TRIM4: variants seen among roughly 807,000 people sequenced by gnomAD.
TRIM4 encodes tripartite motif containing 4, also known as E3 ubiquitin-protein ligase TRIM4.
In TRIM4, 29 loss-of-function variants were observed where a neutral mutation model predicts 33.7. That is an observed-to-expected ratio of 0.86 (90% CI 0.64 to 1.17). The LOEUF (loss-of-function observed/expected upper bound fraction) is 1.17. TRIM4 is among the 50% of genes most tolerant of loss of function. The pLI is 0.00. For synonymous variants in TRIM4, 224 were observed against 233.0 expected (o/e 0.96, Z 0.35); for missense variants, 554 against 593.7 (o/e 0.93, Z 0.69).
At chr7:99,899,260 C>G (rs1006019955) in intron 5 of TRIM4, among the ~76,000 whole-genome samples, 6 of 152,206 alleles carry the variant, frequency 3.9e-5, no homozygotes, top group African/African-American at 1.4e-4. Flanking sequence ...GCAGGCAATA[C>G]AGGGAATCGA....
intron 5 of TRIM4, chr7:99,902,056 A>G: frequency 1.3e-6 from 1 of 760,004 alleles, no homozygotes; most frequent in Non-Finnish European, 2.4e-6. Flanking sequence ...TCATAGGCTG[A>G]CCTCATTTGT....
chr7:99,892,760 G>C lies in TRIM4; in HGVS notation c.842-14C>G. 1 of 1,601,568 alleles carries C rather than the reference G, an allele frequency of 6.2e-7. No homozygotes were observed. The highest frequency in any genetic ancestry group is 8.5e-7 in the Non-Finnish European group (1 of 1,174,780). On this transcript the variant is annotated splice_polypyrimidine_tract_variant and intron_variant, in intron 5 of 5. Coordinates refer to ENST00000349062, the MANE Select transcript of TRIM4 (RefSeq NM_033091.3). The stretch of plus-strand genomic sequence containing the variant: ...GGTTTACAGCCACTGTGGAGAAAAT[G>C]AGAGCTAAGTAGTGCAGCAGCTTAT...
chr7:99,919,393 A>C lies in TRIM4; in HGVS notation c.9T>G (p.Ala3=). 1.3e-6 allele frequency: 2 copies of C among 1,562,298 alleles called. No individual in the cohort carries two copies. Among genetic ancestry groups the C allele is most frequent in the Non-Finnish European group, 1.7e-6 (2 of 1,156,464 alleles). The part of the protein sequence containing the change: ME[A]EDIQEELTCP... Reference sequence around the variant, plus strand: ...AGGTCAACTCCTCCTGGATGTCCTCAGCTTCCATGCTGCTTCCCTGCCGCG... The same window carrying C: ...AGGTCAACTCCTCCTGGATGTCCTCCGCTTCCATGCTGCTTCCCTGCCGCG... The change falls in exon 1 of 6, where the codon GCT becomes GCG. Residue 3 remains alanine, a synonymous_variant. Coordinates refer to ENST00000349062, the MANE Select transcript of TRIM4 (RefSeq NM_033091.3).
At chr7:99,896,073 CTA>C (rs906151843) in intron 5 of TRIM4, among the ~76,000 whole-genome samples, 18 of 151,986 alleles carry the variant, frequency 1.2e-4, no homozygotes, top group East Asian at 9.7e-4. Flanking sequence ...TCTATTTGTC[CTA>C]TATGTTTTCT....
intron 1 of TRIM4, among the ~76,000 whole-genome samples, chr7:99,917,207 G>T (rs138817966): frequency 6.6e-6 from 1 of 152,268 alleles, no homozygotes; most frequent in South Asian, 2.1e-4. Context: ...TGTTGTACAC[G>T]CTTAAGTTCC....
At chr7:99,903,782 C>T (rs1472509271) in intron 3 of TRIM4, among the ~76,000 whole-genome samples, 184 bp from the exon 4 acceptor site, 1 of 152,174 alleles carries the variant, frequency 6.6e-6, no homozygotes, top group African/African-American at 2.4e-5. Context: ...TGCACTTATT[C>T]GACAATGCTG....
Position 99,919,099 on chromosome 7 carries a change from G to A in TRIM4, c.303C>T (p.Asp101=), listed in dbSNP as rs1248858964. The change falls in exon 1 of 6, where the codon GAC becomes GAT. Residue 101 remains aspartate (D), a synonymous_variant. Coordinates refer to ENST00000349062, the MANE Select transcript of TRIM4 (RefSeq NM_033091.3). The stretch of plus-strand genomic sequence containing the variant: ...TGCACACCAGGCACACTGGCCGCTG[G>A]TCGTCCTCGCAGAAGAGCCGCAGCG... ...WEPLRLFCED[D]QRPVCLVCRE... 5 of 1,535,538 alleles carry A rather than the reference G, an allele frequency of 3.3e-6. No individual in the cohort carries two copies. The highest frequency in any genetic ancestry group is 4.6e-4 in the Middle Eastern group (2 of 4,318).
At chr7:99,903,340 T>C (rs762827898) in intron 4 of TRIM4, 25 bp from the exon 5 acceptor site, 6 of 1,566,194 alleles carry the variant, frequency 3.8e-6, no homozygotes, top group Non-Finnish European at 8.7e-7. Flanking sequence ...AAGACTGCTC[T>C]TAGGGGACAA....
At chr7:99,895,947 A>AT (rs758969930) in intron 5 of TRIM4, among the ~76,000 whole-genome samples, 2,108 of 143,314 alleles carry the variant, frequency 0.015, 17 homozygotes, top group Non-Finnish European at 0.022. Context: ...ATTGGGTCTT[A>AT]TTTTTTTTTT....
chr7:99,915,091 T>A (rs1420380974), intron 1 of TRIM4, among the ~76,000 whole-genome samples: 1 of 152,204 alleles, frequency 6.6e-6, no homozygotes, highest in Non-Finnish European at 1.5e-5. Context: ...ATTACAGGCG[T>A]GAGCCACTGC....
At chr7:99,895,676 T>C (rs1053316643) in intron 5 of TRIM4, among the ~76,000 whole-genome samples, 3 of 152,268 alleles carry the variant, frequency 2.0e-5, no homozygotes, top group Non-Finnish European at 2.9e-5. Flanking sequence ...TGTGTATTTC[T>C]TCTTGCAGCT....
chr7:99,910,250 G>A (rs1416242318), intron 1 of TRIM4, among the ~76,000 whole-genome samples: 1 of 152,146 alleles, frequency 6.6e-6, no homozygotes, highest in Non-Finnish European at 1.5e-5. Context: ...CACCACAGGA[G>A]ATTAAAAACG....
At chr7:99,893,640 C>G (rs916347838) in intron 5 of TRIM4, among the ~76,000 whole-genome samples, 1 of 152,186 alleles carries the variant, frequency 6.6e-6, no homozygotes, top group African/African-American at 2.4e-5. Flanking sequence ...CACCTGAACA[C>G]TCATGCTTTT....
chr7:99,917,372 T>A (rs1819578796), intron 1 of TRIM4, among the ~76,000 whole-genome samples: 1 of 152,274 alleles, frequency 6.6e-6, no homozygotes, highest in Non-Finnish European at 1.5e-5. Flanking sequence ...CATAGTCAGC[T>A]GGTACAACTG....
intron 1 of TRIM4, among the ~76,000 whole-genome samples, chr7:99,910,710 A>G (rs1218660542): frequency 6.6e-6 from 1 of 152,222 alleles, no homozygotes; most frequent in African/African-American, 2.4e-5. Context: ...AATTTTATGC[A>G]TTTTTGCTTT....
At chr7:99,916,715 T>A (rs1409703233) in intron 1 of TRIM4, 1 of 781,070 alleles carries the variant, frequency 1.3e-6, no homozygotes, top group Admixed American at 1.7e-5. Context: ...CTGCTTAAAA[T>A]GGTACAAGAG....
At chr7:99,918,974 C>T (rs1446918188) in intron 1 of TRIM4, 35 bp downstream of exon 1, 2 of 1,567,906 alleles carry the variant, frequency 1.3e-6, no homozygotes, top group Non-Finnish European at 1.7e-6. Flanking sequence ...GCAACACTGA[C>T]AGCCCCGTCA....
At chr7:99,912,259 G>C (rs974689400) in intron 1 of TRIM4, among the ~76,000 whole-genome samples, 1 of 152,130 alleles carries the variant, frequency 6.6e-6, no homozygotes, top group Non-Finnish European at 1.5e-5. Flanking sequence ...GGCCAGGCAC[G>C]GTGGCTCACG....
rs73405419 is a variant in TRIM4 at position 99,897,615 on chromosome 7, C to G, written c.842-4869G>C. ...ATTTCTCAAGTCGGTTCTTGCACTC[C>G]ATGGGGGAAAGGCCTAGAAAAGAAT... On this transcript the variant is annotated intron_variant, in intron 5 of 5. Coordinates refer to ENST00000349062, the MANE Select transcript of TRIM4 (RefSeq NM_033091.3). 2.9e-3 allele frequency among the ~76,000 whole-genome samples: 439 copies of G among 152,264 alleles called. 2 individuals carry two copies. The highest frequency in any genetic ancestry group is 0.01 in the African/African-American group (416 of 41,546).
Sources: gnomAD v4.1 joint callset for allele counts (sites outside exome capture counted in the v4.1 genomes callset) on GRCh38, gnomAD v4.1.1 for gene constraint, MANE v1.5 for transcripts, NCBI Gene and HGNC (gene_info 2026-07-23, HGNC 2026-07-21) for gene names.